RNF19A: variants seen among roughly 807,000 people sequenced by gnomAD.
RNF19A encodes the protein E3 ubiquitin-protein ligase RNF19A.
In RNF19A, 32 loss-of-function variants were observed where a neutral mutation model predicts 75.7. The ratio of observed to expected loss-of-function variants is 0.42; its 90% CI spans 0.32 to 0.57. The LOEUF (loss-of-function observed/expected upper bound fraction) is 0.57. Ranked by LOEUF, RNF19A falls within the 20% of genes least tolerant of loss-of-function variation. The probability of loss-of-function intolerance (pLI) is 0.10; values close to 1 mark genes in which losing one functional copy is unlikely to be tolerated. For missense variants in RNF19A, 782 were observed against 1,036.3 expected (o/e 0.75, Z 3.37); for synonymous variants, 335 against 345.2 (o/e 0.97, Z 0.33).
rs764389173 is a variant in RNF19A at position 100,268,734 on chromosome 8, A to G, written c.1191+51T>C. Reference sequence around the variant, plus strand: ...AAAATCATCAATACTAAAAGAATACACCTAAAGATTTAGAATAAGATAATG... The same window carrying G: ...AAAATCATCAATACTAAAAGAATACGCCTAAAGATTTAGAATAAGATAATG... On this transcript the variant is annotated intron_variant, in intron 5 of 9. Transcript: ENST00000341084. 6 of 1,253,378 alleles carry G rather than the reference A, an allele frequency of 4.8e-6. No homozygotes were observed. The East Asian group carries it at 1.6e-4, about 34-fold the overall frequency. 77.6% of individuals were successfully genotyped at this position (1,253,378 alleles called of 1,614,324 possible).
upstream of RNF19A, among the ~76,000 whole-genome samples, chr8:100,312,932 AAAC>A (rs754665833): frequency 6.6e-6 from 1 of 151,974 alleles, no homozygotes. Flanking sequence ...AAACAAAACA[AAAC>A]AACAACAACA....
At chr8:100,326,209 C>G (rs1490005892) in intron 1 of RNF19A, among the ~76,000 whole-genome samples, 1 of 152,078 alleles carries the variant, frequency 6.6e-6, no homozygotes, top group South Asian at 2.1e-4. Flanking sequence ...CTGGTCATGC[C>G]AATTCCCATC....
At chr8:100,319,162 C>T (rs1307210197) in intron 1 of RNF19A, among the ~76,000 whole-genome samples, 3 of 152,180 alleles carry the variant, frequency 2.0e-5, no homozygotes, top group African/African-American at 7.2e-5. Context: ...GGATGGTTTA[C>T]TAAGTTATTT....
intron 1 of RNF19A, among the ~76,000 whole-genome samples, chr8:100,293,539 C>G (rs1821408135): frequency 1.3e-5 from 2 of 152,098 alleles, no homozygotes; most frequent in African/African-American, 4.8e-5. Context: ...TGTTTTCTAT[C>G]TTGGATGTTC....
intron 3 of RNF19A, among the ~76,000 whole-genome samples, chr8:100,272,700 C>T (rs547077036): frequency 1.4e-4 from 22 of 152,098 alleles, no homozygotes; most frequent in African/African-American, 5.1e-4. Context: ...CACACCACCA[C>T]GCCTGGCTAA....
intron 7 of RNF19A, among the ~76,000 whole-genome samples, chr8:100,262,335 G>C (rs1263540970): frequency 1.3e-5 from 2 of 152,200 alleles, no homozygotes; most frequent in African/African-American, 4.8e-5. Context: ...ACATGTCTGT[G>C]AGCCATTTTA....
chr8:100,334,985 C>G (rs2130430696), intron 1 of RNF19A, among the ~76,000 whole-genome samples: 2 of 152,304 alleles, frequency 1.3e-5, no homozygotes, highest in Middle Eastern at 6.8e-3. Flanking sequence ...TCTCCCCAAA[C>G]AATACCCTGT....
At chr8:100,289,505 C>T (rs1376175953) in intron 1 of RNF19A, among the ~76,000 whole-genome samples, 2 of 152,110 alleles carry the variant, frequency 1.3e-5, no homozygotes, top group East Asian at 1.9e-4. Context: ...GAAAAACGGG[C>T]AGGGGACTTA....
chr8:100,272,259 C>T (rs996552602), intron 3 of RNF19A, among the ~76,000 whole-genome samples: 2 of 152,038 alleles, frequency 1.3e-5, no homozygotes, highest in Admixed American at 6.6e-5. Context: ...GCAGTGCTGT[C>T]ACAATTTAAA....
upstream of RNF19A, chr8:100,310,187 C>T (rs897266275): frequency 3.0e-6 from 3 of 985,458 alleles, no homozygotes. Context: ...AGCGCGCCGC[C>T]CGCGTGCTGT....
chr8:100,333,949 C>T lies in RNF19A; in HGVS notation c.-243+2159G>A, dbSNP rs1439803730. 3.9e-5 allele frequency among the ~76,000 whole-genome samples: 6 copies of T among 152,238 alleles called. No individual in the cohort carries two copies. Among genetic ancestry groups the T allele is most frequent in the Non-Finnish European group, 5.9e-5 (4 of 68,046 alleles). Reference sequence around the variant, plus strand: ...CCCCGATATTCTAACTTTGGCCCCACTCTACTGAAATTATCCAAGTGTATT... The same window carrying T: ...CCCCGATATTCTAACTTTGGCCCCATTCTACTGAAATTATCCAAGTGTATT... On this transcript the variant is annotated intron_variant, in intron 1 of 3. Transcript: ENST00000519527. The surrounding 1 kb of genome is among the most constrained non-coding windows in gnomAD (Gnocchi z 4.7).
At position 100,329,407 on chromosome 8, in the gene RNF19A, T is replaced by C. The variant is rs1392923761; in HGVS notation, c.-243+6701A>G. Among the ~76,000 whole-genome samples the C allele has an allele frequency of 6.7e-6, 1 of 148,510 alleles. No individual in the cohort carries two copies. Among genetic ancestry groups the C allele is most frequent in the Non-Finnish European group, 1.5e-5 (1 of 67,294 alleles). ...TTAATGTTCACAAGCTCAAAATGAG[T>C]GAGTTGTGATACAGTGCTGCAAAAA... On this transcript the variant is annotated intron_variant, in intron 1 of 3. Coordinates refer to the RNF19A transcript ENST00000519527. The surrounding 1 kb of genome is among the most constrained non-coding windows in gnomAD (Gnocchi z 4.3).
At chr8:100,310,375 T>G, upstream of RNF19A, 2 of 374,238 alleles carry the variant, frequency 5.3e-6, no homozygotes, top group Non-Finnish European at 7.4e-6. Flanking sequence ...CGCCGGGCAG[T>G]GGGGCCGGTG....
Position 100,332,966 on chromosome 8 carries a change from G to T in RNF19A, c.-243+3142C>A, listed in dbSNP as rs188365768. ...CATTTTGTCTATGGGTTCTCTTTTT[G>T]CTTTGTCTTATTTACATTTGCCAAG... On this transcript the variant is annotated intron_variant, in intron 1 of 3. Transcript: ENST00000519527. The surrounding 1 kb of genome is among the most constrained non-coding windows in gnomAD (Gnocchi z 4.8). Among the ~76,000 whole-genome samples the T allele has an allele frequency of 5.2e-3, 791 of 151,496 alleles. 6 individuals carry two copies. Among genetic ancestry groups the T allele is most frequent in the African/African-American group, 0.018 (756 of 41,278 alleles).
rs1238419654 is a variant in RNF19A, at chr8:100,287,355, C to G, written c.674+146G>C. 4.5e-6 allele frequency: 3 copies of G among 663,596 alleles called. No individual in the cohort carries two copies. The highest frequency in any genetic ancestry group is 7.6e-6 in the Non-Finnish European group (3 of 393,552). The allele number at this position is 663,596 out of a possible 1,614,324, so 41.1% of individuals were successfully genotyped here. On this transcript the variant is annotated intron_variant, in intron 2 of 9. Coordinates refer to ENST00000341084, the MANE Select transcript of RNF19A (RefSeq NM_183419.4). This position sits in a 1 kb window ranked among gnomAD's most constrained non-coding sequence, Gnocchi z 4.1. ...TAGGATCACTGCCTTTAACACCTAG[C>G]ATAGTGCCTGACATATGGTGTGCAC... is the stretch of plus-strand genomic sequence containing the variant.
chr8:100,312,976 T>G (rs1239054678), upstream of RNF19A, among the ~76,000 whole-genome samples: 3 of 152,138 alleles, frequency 2.0e-5, no homozygotes, highest in Non-Finnish European at 2.9e-5. Context: ...TCTTTCCAGG[T>G]AATTGCAATG....
rs1327569830 is a variant in RNF19A, at chr8:100,269,697, T to C, written c.1028+172A>G. On this transcript the variant is annotated intron_variant, in intron 4 of 9. Transcript: ENST00000341084. This position sits in a 1 kb window ranked among gnomAD's most constrained non-coding sequence, Gnocchi z 5.7. ...GGAAATATCCATTTCCTATTTTGACTAGTTATTAATTCCAAATGACTAGCA... is the reference window on the plus strand; with the variant it reads ...GGAAATATCCATTTCCTATTTTGACCAGTTATTAATTCCAAATGACTAGCA... 6.6e-6 allele frequency among the ~76,000 whole-genome samples: 1 copy of C among 152,204 alleles called. No individual in the cohort carries two copies. The highest frequency in any genetic ancestry group is 1.5e-5 in the Non-Finnish European group (1 of 68,002).
rs1586697613 is a variant in RNF19A at position 100,317,334 on chromosome 8, A to T, written c.-242-3962T>A. On this transcript the variant is annotated intron_variant, in intron 1 of 3. Transcript: ENST00000519527. This position sits in a 1 kb window ranked among gnomAD's most constrained non-coding sequence, Gnocchi z 4.3. ...AGCGAGGGCTCTGAGGACTGCCAGC[A>T]CGCTGTCACCTCTCATAAGTGTTTC... is the stretch of plus-strand genomic sequence containing the variant. Among the ~76,000 whole-genome samples, 1 of 152,242 alleles carries T rather than the reference A, an allele frequency of 6.6e-6. No individual in the cohort carries two copies.
Position 100,326,458 on chromosome 8 carries a change from A to G in RNF19A, c.-243+9650T>C, listed in dbSNP as rs1822534710. Among the ~76,000 whole-genome samples, 3 of 152,102 alleles carry G rather than the reference A, an allele frequency of 2.0e-5. No homozygotes were observed. The South Asian group carries it at 6.2e-4, about 32-fold the overall frequency. On this transcript the variant is annotated intron_variant, in intron 1 of 3. Coordinates refer to the RNF19A transcript ENST00000519527. ...ACTGAGAATCAAAAATATGCTGTAT[A>G]CTGTGCTGGGCAGAGGGTATTATAC...
Sources: allele counts gnomAD v4.1 joint callset (sites outside exome capture counted in the v4.1 genomes callset), GRCh38; gene constraint gnomAD v4.1.1; non-coding constraint Gnocchi (gnomAD v3.1); transcripts MANE v1.5; gene names NCBI Gene and HGNC (gene_info 2026-07-23, HGNC 2026-07-21).